DMD: variants seen among roughly 807,000 people sequenced by gnomAD.
The protein encoded by DMD is mutant dystrophin.
Under a neutral mutation model 330.1 loss-of-function variants are expected in DMD, and 63 were observed. That is an observed-to-expected ratio of 0.19 (90% CI 0.16 to 0.24). The LOEUF is 0.24. Ranked by LOEUF, DMD falls within the 10% of genes least tolerant of loss-of-function variation. DMD has a pLI of 1.00. For synonymous variants in DMD, 1,223 were observed against 959.8 expected, an observed-to-expected ratio of 1.27 and a Z score of -5.07; for missense variants, 3,344 against 2,684.1, an observed-to-expected ratio of 1.25 and a Z score of -5.43.
intron 1 of DMD, among the ~76,000 whole-genome samples, chrX:33,289,042 C>T (rs1264187297): frequency 9.0e-6 from 1 of 110,827 alleles, no homozygotes; most frequent in Non-Finnish European, 1.9e-5. Flanking sequence ...TCATTAGGCT[C>T]GTCTCTGTCA....
chrX:32,606,448 C>T (rs1319266211), intron 12 of DMD, among the ~76,000 whole-genome samples: 2 of 109,411 alleles, frequency 1.8e-5, no homozygotes, highest in African/African-American at 3.3e-5. Context: ...AATGTTTATT[C>T]ACTCTTGGTG....
intron 2 of DMD, among the ~76,000 whole-genome samples, chrX:32,998,380 A>G (rs1202635031): frequency 9.4e-6 from 1 of 106,709 alleles, no homozygotes; most frequent in Non-Finnish European, 1.9e-5. Context: ...AAAAAAAAAA[A>G]AAAAAAAAAA....
At position 33,173,672 on chromosome X, in the gene DMD, C is replaced by T. The variant is rs142032955; in HGVS notation, c.31+37610G>A. ...GCTCGATAGAATGATAACATTATTA[C>T]TGGAATTCTCAGAAGAACTTGGCAA... is the stretch of plus-strand genomic sequence containing the variant. On this transcript the variant is annotated intron_variant, in intron 1 of 78. Coordinates refer to ENST00000357033, the MANE Select transcript of DMD (RefSeq NM_004006.3). Among the ~76,000 whole-genome samples, 120 of 110,701 alleles carry T rather than the reference C, an allele frequency of 1.1e-3. 4 individuals carry two copies. The East Asian group carries it at 0.033, about 30-fold the overall frequency.
chrX:31,322,177 T>C (rs1337461019), intron 62 of DMD, among the ~76,000 whole-genome samples: 2 of 111,988 alleles, frequency 1.8e-5, no homozygotes, highest in African/African-American at 6.5e-5. Flanking sequence ...GCTTTATGAA[T>C]TGGTTGAAGA....
Position 32,454,826 on chromosome X carries a change from C to A in DMD, c.3439G>T (p.Ala1147Ser). 1 of 1,206,485 alleles carries A rather than the reference C, an allele frequency of 8.3e-7. No individual in the cohort carries two copies. The highest frequency in any genetic ancestry group is 1.1e-6 in the Non-Finnish European group (1 of 892,780). ...CCTCCCTTCAAGGCCTCCTTTCTGG[C>A]ATAGACCTTCCACAAAACAAACAAA... ...QWDHMCQQVY[A>S]RKEALKGGLE... Residue 1147 changes from alanine (A) to serine (S), a missense_variant, in exon 26 of 79, where the codon GCC becomes TCC. Ala to Ser is a moderately conservative substitution (Grantham distance 99). Transcript: ENST00000357033.
In DMD at chrX:32,538,003, C is replaced by A. The variant is rs1351498396; in HGVS notation, c.2168+7156G>T. Among the ~76,000 whole-genome samples, 5 of 112,434 alleles carry A rather than the reference C, an allele frequency of 4.4e-5. No homozygotes were observed. In the East Asian group the frequency reaches 1.4e-3, roughly 32 times the overall value. On this transcript the variant is annotated intron_variant, in intron 17 of 78. Coordinates refer to ENST00000357033, the MANE Select transcript of DMD (RefSeq NM_004006.3). ...AGCATCTACTACACAGAAGACATCA[C>A]ACAGGTAACGAACAAGAAATGGATC...
At chrX:32,629,174 G>C (rs777514881) in intron 11 of DMD, among the ~76,000 whole-genome samples, 3 of 111,522 alleles carry the variant, frequency 2.7e-5, no homozygotes, top group Non-Finnish European at 5.7e-5. Flanking sequence ...AATAATATTT[G>C]ATTTATACGT....
At chrX:31,958,893 A>C (rs1219608386) in intron 45 of DMD, among the ~76,000 whole-genome samples, 2 of 110,787 alleles carry the variant, frequency 1.8e-5, no homozygotes, top group Non-Finnish European at 3.8e-5. Flanking sequence ...TCCCAAGTTG[A>C]GCTCTGTATG....
At chrX:32,743,986 G>A (rs1215412429) in intron 7 of DMD, among the ~76,000 whole-genome samples, 2 of 110,899 alleles carry the variant, frequency 1.8e-5, no homozygotes, top group Non-Finnish European at 3.8e-5. Flanking sequence ...AACTATGCTA[G>A]GCACAGGGCA....
chrX:31,887,613 T>C (rs1407538365), intron 47 of DMD, among the ~76,000 whole-genome samples: 1 of 112,050 alleles, frequency 8.9e-6, no homozygotes, highest in Non-Finnish European at 1.9e-5. Flanking sequence ...AAGTTCCACC[T>C]CCTCAGAGAA....
intron 44 of DMD, among the ~76,000 whole-genome samples, chrX:32,065,737 A>T (rs945890731): frequency 8.9e-6 from 1 of 111,943 alleles, no homozygotes; most frequent in African/African-American, 3.2e-5. Context: ...AATGGTAATA[A>T]AATTGAGCAA....
At chrX:32,285,895 T>C (rs983698028) in intron 43 of DMD, among the ~76,000 whole-genome samples, 35 of 110,509 alleles carry the variant, frequency 3.2e-4, no homozygotes, top group Admixed American at 2.2e-3. Flanking sequence ...AGACAAGGTT[T>C]CACCATGTTG....
chrX:33,263,336 T>G lies in DMD; in HGVS notation c.7+75923A>C, dbSNP rs1363940341. On this transcript the variant is annotated intron_variant, in intron 1 of 17. Transcript: ENST00000288447. Reference sequence around the variant, plus strand: ...TTTAATGTGTTCTTGCTTTTGCTGTTAAAGGCAAGACTGGAGACTTCTTTA... The same window carrying G: ...TTTAATGTGTTCTTGCTTTTGCTGTGAAAGGCAAGACTGGAGACTTCTTTA... Among the ~76,000 whole-genome samples, 3 of 109,842 alleles carry G rather than the reference T, an allele frequency of 2.7e-5. No individual in the cohort carries two copies. The Admixed American group carries it at 2.9e-4, about 11-fold the overall frequency.
At chrX:32,383,319 G>T (rs1466989384) in intron 33 of DMD, among the ~76,000 whole-genome samples, 1 of 110,765 alleles carries the variant, frequency 9.0e-6, no homozygotes. Context: ...ACTCCAAAAA[G>T]GTAATGCATA....
At chrX:33,240,910 G>T (rs926810731) in intron 1 of DMD, among the ~76,000 whole-genome samples, 1 of 111,756 alleles carries the variant, frequency 8.9e-6, no homozygotes, top group African/African-American at 3.3e-5. Flanking sequence ...TGGGTTATTT[G>T]TTTTCTTGCT....
chrX:33,095,590 T>C (rs1304989644), intron 1 of DMD, among the ~76,000 whole-genome samples: 1 of 112,184 alleles, frequency 8.9e-6, no homozygotes, highest in Admixed American at 9.5e-5. Flanking sequence ...ACTTTCTTTT[T>C]AATTCTCTTT....
At chrX:33,246,749 G>A (rs936621174) in intron 1 of DMD, among the ~76,000 whole-genome samples, 17 of 110,298 alleles carry the variant, frequency 1.5e-4, no homozygotes, top group African/African-American at 5.3e-4. Context: ...GTGGTGGCGC[G>A]ACCTCAGCTC....
intron 13 of DMD, among the ~76,000 whole-genome samples, chrX:32,591,884 C>T (rs1316394039): frequency 4.4e-5 from 5 of 113,047 alleles, no homozygotes; most frequent in East Asian, 2.8e-4. Flanking sequence ...CCTCGCTCCC[C>T]GCACTGGCTC....
chrX:31,467,029 T>C (rs1333329721), intron 59 of DMD, among the ~76,000 whole-genome samples: 2 of 112,322 alleles, frequency 1.8e-5, no homozygotes, highest in Non-Finnish European at 3.8e-5. Flanking sequence ...CCTGAGACTT[T>C]GCTGAAGTTG....
Sources: allele counts gnomAD v4.1 joint callset (sites outside exome capture counted in the v4.1 genomes callset), GRCh38; gene constraint gnomAD v4.1.1; transcripts MANE v1.5; gene names NCBI Gene and HGNC (gene_info 2026-07-23, HGNC 2026-07-21).